Variants in DLG1 observed in about 807,000 individuals in gnomAD.
DLG1 encodes discs large MAGUK scaffold protein 1.
Under a neutral mutation model 123.4 loss-of-function variants are expected in DLG1, and 42 were observed. The ratio of observed to expected loss-of-function variants is 0.34; its 90% CI spans 0.27 to 0.44. The LOEUF is 0.44. DLG1 is among the 20% of genes least tolerant of loss of function. The pLI, the probability that DLG1 is intolerant of heterozygous loss-of-function variation, is 1.00. For missense variants in DLG1, 942 were observed against 1,082.6 expected, an observed-to-expected ratio of 0.87 and a Z score of 1.82; for synonymous variants, 317 against 356.2, an observed-to-expected ratio of 0.89 and a Z score of 1.24.
At chr3:197,112,428 T>C (rs1190356446) in intron 13 of DLG1, among the ~76,000 whole-genome samples, 1 of 152,234 alleles carries the variant, frequency 6.6e-6, no homozygotes, top group Non-Finnish European at 1.5e-5. Flanking sequence ...ACATATCTTT[T>C]GTGCTGTACC....
intron 4 of DLG1, among the ~76,000 whole-genome samples, chr3:197,248,734 A>AT (rs11386075): frequency 0.11 from 16,235 of 152,254 alleles, 1,048 homozygotes; most frequent in Middle Eastern, 0.15. Context: ...CAGGAAGTTT[A>AT]TTTTTTGTAC....
chr3:197,238,013 T>C (rs1021034646), intron 4 of DLG1, among the ~76,000 whole-genome samples: 3 of 152,178 alleles, frequency 2.0e-5, no homozygotes, highest in African/African-American at 4.8e-5. Context: ...GCAGTGTTAG[T>C]GAAGACCACA....
At chr3:197,071,153 A>C (rs1388003046) in intron 18 of DLG1, 1 of 152,114 alleles carries the variant, frequency 6.6e-6, no homozygotes, top group Non-Finnish European at 1.5e-5. Context: ...TTCTGTTTAC[A>C]TTAGTATTGG....
chr3:197,147,201 C>CTA, intron 6 of DLG1, among the ~76,000 whole-genome samples: 1 of 152,056 alleles, frequency 6.6e-6, no homozygotes, highest in East Asian at 1.9e-4. Context: ...GGAATGTAAA[C>CTA]TAGTACAACC....
At chr3:197,264,379 A>G (rs1760803454) in intron 4 of DLG1, among the ~76,000 whole-genome samples, 1 of 152,218 alleles carries the variant, frequency 6.6e-6, no homozygotes, top group Non-Finnish European at 1.5e-5. Context: ...TTTAAGTGCC[A>G]GCATAACACT....
At chr3:197,079,221 C>A (rs771048109) in intron 17 of DLG1, among the ~76,000 whole-genome samples, 1 of 152,214 alleles carries the variant, frequency 6.6e-6, no homozygotes, top group Non-Finnish European at 1.5e-5. Context: ...GATAAAATAT[C>A]ATAAATTCAT....
At chr3:197,066,995 G>C (rs1324161935) in intron 19 of DLG1, among the ~76,000 whole-genome samples, 1 of 151,902 alleles carries the variant, frequency 6.6e-6, no homozygotes, top group Non-Finnish European at 1.5e-5. Context: ...ATATTTTATA[G>C]ATAATCAAAT....
At chr3:197,164,347 A>T (rs1346568253) in intron 5 of DLG1, among the ~76,000 whole-genome samples, 1 of 152,022 alleles carries the variant, frequency 6.6e-6, no homozygotes, top group Non-Finnish European at 1.5e-5. Flanking sequence ...CGGTGAGCCT[A>T]GATTGCGCCA....
At chr3:197,081,028 A>C (rs1405589308) in intron 17 of DLG1, 23 bp downstream of exon 17, 3 of 1,601,384 alleles carry the variant, frequency 1.9e-6, no homozygotes, top group Non-Finnish European at 2.6e-6. Context: ...AATTACAAAA[A>C]TGTAGAGATT....
intron 5 of DLG1, among the ~76,000 whole-genome samples, chr3:197,175,500 A>G (rs1477474837): frequency 6.6e-6 from 1 of 152,240 alleles, no homozygotes; most frequent in African/African-American, 2.4e-5. Flanking sequence ...CTGGTAACAT[A>G]GACTTGCTAG....
In DLG1 at chr3:197,140,260, T is replaced by C. The variant is rs1787299724; in HGVS notation, c.593A>G (p.Asn198Ser). Residue 198 changes from asparagine (N) to serine (S), a missense_variant, in exon 8 of 25, where the codon AAT (asparagine) becomes AGT (serine). Transcript: ENST00000667157. ...EYEEITLERGNSGLGFSIAGG... is the reference protein window; with the variant it reads ...EYEEITLERGSSGLGFSIAGG... Reference sequence around the variant, plus strand: ...TGCAATGCTGAAACCAAGCCCTGAATTTCCCTGAGGATAGAAGAAAAAAAA... The same window carrying C: ...TGCAATGCTGAAACCAAGCCCTGAACTTCCCTGAGGATAGAAGAAAAAAAA... 2 of 1,613,138 alleles carry C rather than the reference T, an allele frequency of 1.2e-6. No individual in the cohort carries two copies. The highest frequency in any genetic ancestry group is 1.3e-5 in the African/African-American group (1 of 74,998).
chr3:197,213,579 T>A (rs1007842782), intron 4 of DLG1, among the ~76,000 whole-genome samples: 4 of 152,158 alleles, frequency 2.6e-5, no homozygotes, highest in African/African-American at 9.7e-5. Context: ...TAAAAATGAT[T>A]AAACAAAATA....
At chr3:197,238,157 G>A (rs1009561685) in intron 4 of DLG1, among the ~76,000 whole-genome samples, 6 of 152,142 alleles carry the variant, frequency 3.9e-5, no homozygotes, top group Non-Finnish European at 7.3e-5. Flanking sequence ...ACCTTTCACT[G>A]TCAGAGCAGC....
chr3:197,129,819 A>G (rs1781593592), intron 11 of DLG1, among the ~76,000 whole-genome samples: 1 of 152,198 alleles, frequency 6.6e-6, no homozygotes, highest in Non-Finnish European at 1.5e-5. Flanking sequence ...ACTAGTCATC[A>G]GAGGAGCAGT....
At chr3:197,267,797 TC>T (rs1427990698) in intron 4 of DLG1, among the ~76,000 whole-genome samples, 1 of 152,356 alleles carries the variant, frequency 6.6e-6, no homozygotes, top group South Asian at 2.1e-4. Context: ...GTTCAGCTAA[TC>T]CTATATGTTT....
intron 11 of DLG1, among the ~76,000 whole-genome samples, chr3:197,124,762 G>A (rs1395348637): frequency 6.6e-6 from 1 of 152,046 alleles, no homozygotes; most frequent in Admixed American, 6.6e-5. Flanking sequence ...TTGATGTGAA[G>A]AAGTCTTAAC....
At chr3:197,098,015 A>G (rs1359078099) in intron 14 of DLG1, among the ~76,000 whole-genome samples, 1 of 151,892 alleles carries the variant, frequency 6.6e-6, no homozygotes, top group East Asian at 1.9e-4. Flanking sequence ...ATTTATTTGT[A>G]TTTCTGTATA....
At chr3:197,265,431 G>T (rs1371914536) in intron 4 of DLG1, among the ~76,000 whole-genome samples, 5 of 152,152 alleles carry the variant, frequency 3.3e-5, no homozygotes, top group African/African-American at 7.2e-5. Context: ...TGTAGCAGAA[G>T]GGGGAAACTC....
intron 5 of DLG1, among the ~76,000 whole-genome samples, chr3:197,180,474 T>G (rs1809636664): frequency 6.6e-6 from 1 of 152,046 alleles, no homozygotes; most frequent in Admixed American, 6.6e-5. Context: ...ATACTAATCG[T>G]TTGAAATTAA....
Sources: allele counts gnomAD v4.1 joint callset (sites outside exome capture counted in the v4.1 genomes callset), GRCh38; gene constraint gnomAD v4.1.1; transcripts MANE v1.5; gene names NCBI Gene and HGNC (gene_info 2026-07-23, HGNC 2026-07-21).